The following ILKAP variants were observed in gnomAD, a reference collection of about 807,000 sequenced individuals.
The protein encoded by ILKAP is ILK associated serine/threonine phosphatase.
A neutral mutation model predicts 49.1 loss-of-function variants in ILKAP; 11 were observed. That is an observed-to-expected ratio of 0.22 (90% CI 0.14 to 0.37). The LOEUF (loss-of-function observed/expected upper bound fraction) is 0.37, where lower values mean the gene tolerates loss of function less well. Ranked by LOEUF, ILKAP falls within the 10% of genes least tolerant of loss-of-function variation. The pLI is 1.00. For synonymous variants in ILKAP, 186 were observed against 192.8 expected, an observed-to-expected ratio of 0.96 and a Z score of 0.29; for missense variants, 363 against 510.8, an observed-to-expected ratio of 0.71 and a Z score of 2.79.
chr2:238,179,138 G>A (rs968505376), intron 9 of ILKAP, among the ~76,000 whole-genome samples: 1 of 152,162 alleles, frequency 6.6e-6, no homozygotes, highest in Admixed American at 6.6e-5. Flanking sequence ...ACACACATAT[G>A]AAAAGGACAC....
chr2:238,195,769 G>A (rs374968849), intron 1 of ILKAP, among the ~76,000 whole-genome samples: 2 of 152,094 alleles, frequency 1.3e-5, no homozygotes, highest in Admixed American at 6.5e-5. Context: ...TACGCCAGGC[G>A]CAGTGGCTCA....
chr2:238,180,283 G>A (rs1320972762), intron 9 of ILKAP, among the ~76,000 whole-genome samples: 2 of 152,288 alleles, frequency 1.3e-5, no homozygotes, highest in East Asian at 3.9e-4. Context: ...GATAACTCGG[G>A]AAATAAAAAT....
chr2:238,192,117 C>G (rs1267748093), intron 3 of ILKAP, among the ~76,000 whole-genome samples: 1 of 148,576 alleles, frequency 6.7e-6, no homozygotes. Context: ...GAGGCTTAGA[C>G]AGGAACTTGA....
chr2:238,170,895 A>C, intron 11 of ILKAP, 48 bp downstream of exon 11: 1 of 1,557,166 alleles, frequency 6.4e-7, no homozygotes, highest in Non-Finnish European at 8.9e-7. Context: ...TTCTCTGAAA[A>C]CTAAGACACA....
intron 2 of ILKAP, 136 bp from the exon 3 acceptor site, chr2:238,194,467 A>G: frequency 1.4e-6 from 1 of 705,462 alleles, no homozygotes; most frequent in Non-Finnish European, 2.5e-6. Context: ...GGCAACTCAT[A>G]CTGCAATGAA....
At chr2:238,178,975 G>T (rs1693582264) in intron 9 of ILKAP, among the ~76,000 whole-genome samples, 2 of 152,020 alleles carry the variant, frequency 1.3e-5, no homozygotes, top group South Asian at 2.1e-4. Flanking sequence ...TTATTTTTTG[G>T]TATTTCTTGT....
At chr2:238,201,065 T>C (rs913805085) in intron 1 of ILKAP, among the ~76,000 whole-genome samples, 10 of 152,260 alleles carry the variant, frequency 6.6e-5, no homozygotes, top group Non-Finnish European at 1.0e-4. Context: ...AGGTCTTTTA[T>C]TGTTCACTGC....
At chr2:238,178,861 T>G (rs1037044142) in intron 9 of ILKAP, among the ~76,000 whole-genome samples, 1 of 152,220 alleles carries the variant, frequency 6.6e-6, no homozygotes, top group Non-Finnish European at 1.5e-5. Flanking sequence ...GTATGATCTC[T>G]GCTCACTACA....
In ILKAP at chr2:238,170,507, C is replaced by T. The variant is rs1693161558; in HGVS notation, c.*29G>A. ...CAAAATGAACCTTTTAAGTCAATAC[C>T]ATGCGTGCTCCTGGCCGCGCGCCAC... On this transcript the variant is annotated 3_prime_UTR_variant, in exon 12 of 12. Coordinates refer to ENST00000254654, the MANE Select transcript of ILKAP (RefSeq NM_030768.3). 5.1e-6 allele frequency: 8 copies of T among 1,571,762 alleles called. No individual in the cohort carries two copies. Among genetic ancestry groups the T allele is most frequent in the Non-Finnish European group, 6.9e-6 (8 of 1,152,988 alleles).
At chr2:238,197,009 C>G (rs191985165) in intron 1 of ILKAP, among the ~76,000 whole-genome samples, 1 of 152,214 alleles carries the variant, frequency 6.6e-6, no homozygotes, top group African/African-American at 2.4e-5. Context: ...TGAGCCTGAC[C>G]AACATGGTGA....
chr2:238,178,624 T>C (rs1248315349), intron 9 of ILKAP, among the ~76,000 whole-genome samples: 1 of 152,192 alleles, frequency 6.6e-6, no homozygotes, highest in Non-Finnish European at 1.5e-5. Context: ...ACGTTAAATA[T>C]GAGTAAGAAA....
At chr2:238,182,577 G>A (rs562922216) in intron 8 of ILKAP, among the ~76,000 whole-genome samples, 2 of 152,332 alleles carry the variant, frequency 1.3e-5, no homozygotes. Flanking sequence ...AGGAGGGCAA[G>A]CGTTGTGCAT....
At chr2:238,172,386 G>A (rs866120235) in intron 10 of ILKAP, among the ~76,000 whole-genome samples, 2 of 152,286 alleles carry the variant, frequency 1.3e-5, no homozygotes, top group East Asian at 1.9e-4. Flanking sequence ...TCACTCGGCC[G>A]CTACTTGCCG....
Position 238,189,645 on chromosome 2 carries a change from G to A in ILKAP, c.298+208C>T, listed in dbSNP as rs1694041963. On this transcript the variant is annotated intron_variant, in intron 4 of 11. Coordinates refer to ENST00000254654, the MANE Select transcript of ILKAP (RefSeq NM_030768.3). Reference sequence around the variant, plus strand: ...AGGAACAAATGTAGGTTTCCTATCTGATCAAAGGTAGGATCAGAGATAGAT... The same window carrying A: ...AGGAACAAATGTAGGTTTCCTATCTAATCAAAGGTAGGATCAGAGATAGAT... 1.5e-5 allele frequency: 6 copies of A among 412,122 alleles called. No individual in the cohort carries two copies. The South Asian group carries it at 1.9e-4, about 13-fold the overall frequency. 25.5% of individuals were successfully genotyped at this position (412,122 alleles called of 1,614,324 possible). A position where few individuals can be genotyped will look rare whatever the true frequency, so the allele number is the denominator to read the frequency against.
intron 9 of ILKAP, among the ~76,000 whole-genome samples, chr2:238,178,306 C>T (rs1004601062): frequency 1.1e-4 from 16 of 152,198 alleles, no homozygotes; most frequent in Admixed American, 3.3e-4. Flanking sequence ...CTCAGCCACC[C>T]GAGTGGCTGG....
In ILKAP at chr2:238,182,107, T is replaced by G. The variant is rs1472558186; in HGVS notation, c.794A>C (p.Tyr265Ser). The G allele has an allele frequency of 6.2e-7, 1 of 1,613,838 alleles. No individual in the cohort carries two copies. Among genetic ancestry groups the G allele is most frequent in the Non-Finnish European group, 8.5e-7 (1 of 1,179,876 alleles). ...CTTCTGTATCCTCATCCGCTCTTCA[T>G]ACTGAGTTGGATTATGCTCTTTGCT... The part of the protein sequence containing the change: ...SLSKEHNPTQ[Y>S]EERMRIQKAG... The change falls in exon 9 of 12, where the codon TAT (tyrosine) becomes TCT (serine). Residue 265 changes from tyrosine to serine, a missense_variant. By Grantham distance (144) the Tyr-to-Ser change is moderately radical. Transcript: ENST00000254654.
At chr2:238,193,200 A>G (rs1694211946) in intron 3 of ILKAP, among the ~76,000 whole-genome samples, 1 of 152,146 alleles carries the variant, frequency 6.6e-6, no homozygotes, top group African/African-American at 2.4e-5. Context: ...TAAATCCCTT[A>G]ACAGCCTTCT....
intron 9 of ILKAP, among the ~76,000 whole-genome samples, chr2:238,180,168 A>C (rs564893792): frequency 6.9e-6 from 1 of 144,308 alleles, no homozygotes; most frequent in African/African-American, 2.5e-5. Flanking sequence ...TCTCTCTCTC[A>C]AAAAAAAAAA....
intron 6 of ILKAP, 41 bp from the exon 7 acceptor site, chr2:238,184,154 G>T: frequency 9.1e-7 from 1 of 1,100,134 alleles, no homozygotes; most frequent in African/African-American, 1.5e-5. Context: ...TCTCAAGGAG[G>T]GAAGATTATC....
Sources: gnomAD v4.1 joint callset for allele counts (sites outside exome capture counted in the v4.1 genomes callset) on GRCh38, gnomAD v4.1.1 for gene constraint, MANE v1.5 for transcripts, NCBI Gene and HGNC (gene_info 2026-07-23, HGNC 2026-07-21) for gene names.